The following ATG14 variants were observed in gnomAD, a reference collection of about 807,000 sequenced individuals.
ATG14 encodes beclin 1-associated autophagy-related key regulator.
In ATG14, 35 loss-of-function variants were observed where a neutral mutation model predicts 60.4. The ratio of observed to expected loss-of-function variants is 0.58; its 90% CI spans 0.44 to 0.77. ATG14 has a LOEUF of 0.77. ATG14 is among the 30% of genes least tolerant of loss of function. ATG14 has a pLI of 0.00. For synonymous variants in ATG14, 234 were observed against 228.8 expected, an observed-to-expected ratio of 1.02 and a Z score of -0.21; for missense variants, 647 against 626.3, an observed-to-expected ratio of 1.03 and a Z score of -0.35.
chr14:55,392,061 G>T (rs1271612756), intron 3 of ATG14, among the ~76,000 whole-genome samples: 2 of 152,276 alleles, frequency 1.3e-5, no homozygotes, highest in Non-Finnish European at 2.9e-5. Flanking sequence ...CACGGACAGG[G>T]TGGCAGATGA....
intron 9 of ATG14, among the ~76,000 whole-genome samples, chr14:55,374,786 C>T (rs767798654): frequency 2.6e-5 from 4 of 152,200 alleles, no homozygotes; most frequent in Non-Finnish European, 5.9e-5. Context: ...TGATTCAACG[C>T]CTCCTCTATC....
chr14:55,395,990 G>A lies in ATG14; in HGVS notation c.285-8C>T. 2 of 1,576,772 alleles carry A rather than the reference G, an allele frequency of 1.3e-6. No homozygotes were observed. Among genetic ancestry groups the A allele is most frequent in the Non-Finnish European group, 8.6e-7 (1 of 1,163,708 alleles). The stretch of plus-strand genomic sequence containing the variant: ...TCCATAGCTTTTAACACTCTGTGAG[G>A]AAAAGAGACAGAAAATAAGCTCTTA... On this transcript the variant is annotated splice_polypyrimidine_tract_variant and splice_region_variant and intron_variant, in intron 2 of 9. Coordinates refer to ENST00000247178, the MANE Select transcript of ATG14 (RefSeq NM_014924.5).
intron 4 of ATG14, among the ~76,000 whole-genome samples, chr14:55,388,591 A>G (rs1885163324): frequency 6.6e-6 from 1 of 152,240 alleles, no homozygotes; most frequent in Non-Finnish European, 1.5e-5. Context: ...TATATAATGT[A>G]TATCATGAAA....
At chr14:55,405,878 G>A (rs891221913) in intron 1 of ATG14, among the ~76,000 whole-genome samples, 1 of 152,074 alleles carries the variant, frequency 6.6e-6, no homozygotes, top group South Asian at 2.1e-4. Flanking sequence ...TCTCCCCTGG[G>A]GGTGGGGTGG....
chr14:55,384,122 C>A (rs1594779216), intron 5 of ATG14, among the ~76,000 whole-genome samples: 1 of 152,290 alleles, frequency 6.6e-6, no homozygotes, highest in East Asian at 1.9e-4. Flanking sequence ...GAAAGGCAAA[C>A]AAGAAACCTT....
At chr14:55,372,014 T>G (rs1884829690) in intron 9 of ATG14, among the ~76,000 whole-genome samples, 1 of 152,116 alleles carries the variant, frequency 6.6e-6, no homozygotes, top group African/African-American at 2.4e-5. Context: ...ACTTCATTTC[T>G]TTTCTCCCCT....
At chr14:55,379,019 C>T (rs1884978500) in intron 7 of ATG14, among the ~76,000 whole-genome samples, 1 of 152,002 alleles carries the variant, frequency 6.6e-6, no homozygotes, top group Non-Finnish European at 1.5e-5. Context: ...GCCCTCTCAT[C>T]CTGTTTTAAC....
At chr14:55,390,593 G>A (rs1453049713) in intron 4 of ATG14, among the ~76,000 whole-genome samples, 1 of 151,684 alleles carries the variant, frequency 6.6e-6, no homozygotes, top group East Asian at 2.0e-4. Context: ...GGATGGTCTC[G>A]ATCTCCTGAC....
chr14:55,411,697 G>A lies in ATG14; in HGVS notation c.126C>T (p.Arg42=). ...GGCGGGTAGTGTTGCACAGCGGGCA[G>A]CGCTCCACAGCCACGTACAGCCCCT... is the stretch of plus-strand genomic sequence containing the variant. ...DAEGLYVAVE[R]CPLCNTTRRR... Residue 42 remains arginine, a synonymous_variant, in exon 1 of 10, where the codon CGC becomes CGT. Coordinates refer to ENST00000247178, the MANE Select transcript of ATG14 (RefSeq NM_014924.5). 8 of 1,613,016 alleles carry A rather than the reference G, an allele frequency of 5.0e-6. No individual in the cohort carries two copies. Among genetic ancestry groups the A allele is most frequent in the Non-Finnish European group, 5.9e-6 (7 of 1,179,750 alleles).
Position 55,389,575 on chromosome 14 carries a change from C to G in ATG14, c.409+1336G>C, listed in dbSNP as rs551026461. Among the ~76,000 whole-genome samples the G allele has an allele frequency of 9.9e-5, 15 of 152,284 alleles. No individual in the cohort carries two copies. The South Asian group carries it at 2.3e-3, about 23-fold the overall frequency. On this transcript the variant is annotated intron_variant, in intron 4 of 9. Coordinates refer to ENST00000247178, the MANE Select transcript of ATG14 (RefSeq NM_014924.5). ...TGAGTAGACAAGAAAAAGGGATTCACGAGGTCTGATGGTGACTCATTCTAA... is the reference window on the plus strand; with the variant it reads ...TGAGTAGACAAGAAAAAGGGATTCAGGAGGTCTGATGGTGACTCATTCTAA...
rs927406807 is a variant in ATG14, at chr14:55,369,479, T to G, written c.*140A>C. On this transcript the variant is annotated 3_prime_UTR_variant, in exon 10 of 10. Transcript: ENST00000247178. ...TGGCAAATAGAAATGTTTGTCTCCC[T>G]GCTTAAAAAGACAAAACAAAACAAC... is the stretch of plus-strand genomic sequence containing the variant. The G allele has an allele frequency of 7.2e-6, 6 of 829,232 alleles. No individual in the cohort carries two copies. The highest frequency in any genetic ancestry group is 1.0e-5 in the Non-Finnish European group (6 of 573,094). 51.4% of individuals were successfully genotyped at this position (829,232 alleles called of 1,614,324 possible).
At chr14:55,401,609 T>C (rs1023410823) in intron 1 of ATG14, among the ~76,000 whole-genome samples, 1 of 152,240 alleles carries the variant, frequency 6.6e-6, no homozygotes, top group East Asian at 1.9e-4. Flanking sequence ...AAATGAACTT[T>C]GTTGTTTCAT....
intron 6 of ATG14, among the ~76,000 whole-genome samples, chr14:55,380,949 TAA>T (rs1491178157): frequency 6.7e-6 from 1 of 148,994 alleles, no homozygotes; most frequent in Non-Finnish European, 1.5e-5. Flanking sequence ...TAAATGAAAT[TAA>T]AGTCTGACCT....
At chr14:55,370,958 T>C (rs546873343) in intron 9 of ATG14, among the ~76,000 whole-genome samples, 95 of 152,114 alleles carry the variant, frequency 6.2e-4, no homozygotes, top group African/African-American at 2.2e-3. Flanking sequence ...TGCTTCTTTT[T>C]CCCCTCCCTT....
rs1885331102 is a variant in ATG14 at position 55,397,413 on chromosome 14, C to T, written c.243G>A (p.Arg81=). The stretch of plus-strand genomic sequence containing the variant: ...CTTGCTTGCTCTTAAGTCGGCTTAA[C>T]CTTTCCTTCTTGTCGATAAACCTGT... ...DRERFIDKKE[R]LSRLKSKQEE... is the part of the protein sequence containing the mutation. Residue 81 remains arginine, a synonymous_variant, in exon 2 of 10, where the codon AGG becomes AGA. Coordinates refer to ENST00000247178, the MANE Select transcript of ATG14 (RefSeq NM_014924.5). 1 of 1,613,094 alleles carries T rather than the reference C, an allele frequency of 6.2e-7. No homozygotes were observed. Among genetic ancestry groups the T allele is most frequent in the Admixed American group, 1.7e-5 (1 of 59,994 alleles).
At chr14:55,411,236 TAGAA>T (rs1285059722) in intron 1 of ATG14, among the ~76,000 whole-genome samples, 1 of 152,182 alleles carries the variant, frequency 6.6e-6, no homozygotes, top group Non-Finnish European at 1.5e-5. Context: ...CTTTCGAAAA[TAGAA>T]AGCCAAGCTT....
At chr14:55,404,129 T>C (rs1310879935) in intron 1 of ATG14, among the ~76,000 whole-genome samples, 1 of 152,218 alleles carries the variant, frequency 6.6e-6, no homozygotes, top group Non-Finnish European at 1.5e-5. Flanking sequence ...CACAAATATC[T>C]ATCCCAAACA....
rs8003279 is a variant in ATG14, at chr14:55,397,412, A to G, written c.244T>C (p.Leu82=). Residue 82 remains leucine (L), a synonymous_variant, in exon 2 of 10, where the codon TTA becomes CTA. Transcript: ENST00000247178. ...RERFIDKKER[L]SRLKSKQEEF... ...TCTTGCTTGCTCTTAAGTCGGCTTA[A>G]CCTTTCCTTCTTGTCGATAAACCTG... The G allele has an allele frequency of 0.31, 494,928 of 1,607,076 alleles. 80,423 individuals carry two copies. Among genetic ancestry groups the G allele is most frequent in the Non-Finnish European group, 0.33 (383,033 of 1,174,300 alleles).
In ATG14 at chr14:55,369,810, C is replaced by T. The variant is rs1245771467; in HGVS notation, c.1288G>A (p.Asp430Asn). ...GDERVSDEET[D>N]LGTDWENLPS... is the part of the protein sequence containing the mutation. ...AAGTTCTCCCAGTCTGTGCCCAGGT[C>T]GGTTTCTTCATCGCTGACGCGCTCA... The change falls in exon 10 of 10, where the codon GAC becomes AAC. Residue 430 changes from aspartate to asparagine, a missense_variant. Coordinates refer to ENST00000247178, the MANE Select transcript of ATG14 (RefSeq NM_014924.5). 4.3e-6 allele frequency: 7 copies of T among 1,614,050 alleles called. No homozygotes were observed. The highest frequency in any genetic ancestry group is 1.3e-5 in the African/African-American group (1 of 74,908).
Sources: allele counts gnomAD v4.1 joint callset (sites outside exome capture counted in the v4.1 genomes callset), GRCh38; gene constraint gnomAD v4.1.1; transcripts MANE v1.5; gene names NCBI Gene and HGNC (gene_info 2026-07-23, HGNC 2026-07-21).